ZNF678: variants seen among roughly 807,000 people sequenced by gnomAD.
ZNF678 encodes hypothetical protein MGC42493.
Under a neutral mutation model 3.0 loss-of-function variants are expected in ZNF678, and 5 were observed. The observed-to-expected ratio is 1.69, with a 90% confidence interval of 0.88 to 3.56. The LOEUF is 3.56. ZNF678 is among the 30% of genes most tolerant of loss of function. The pLI is 0.00. For synonymous variants in ZNF678, 218 were observed against 199.6 expected (o/e 1.09, Z -0.78); for missense variants, 593 against 605.0 (o/e 0.98, Z 0.21).
chr1:227,645,075 C>A (rs1658921503), intron 1 of ZNF678, among the ~76,000 whole-genome samples: 1 of 152,260 alleles, frequency 6.6e-6, no homozygotes, highest in Admixed American at 6.5e-5. Context: ...CACTTGATAG[C>A]AGGAAAATGA....
intron 5 of ZNF678, among the ~76,000 whole-genome samples, chr1:227,669,376 C>T (rs1400508177): frequency 1.3e-5 from 2 of 152,082 alleles, no homozygotes; most frequent in Admixed American, 6.5e-5. Context: ...TCTCCCCACG[C>T]CTGTAATCCC....
At chr1:227,603,670 T>G (rs1221622181) in intron 1 of ZNF678, among the ~76,000 whole-genome samples, 2 of 152,216 alleles carry the variant, frequency 1.3e-5, no homozygotes, top group Non-Finnish European at 2.9e-5. Context: ...TGTGGGAAGA[T>G]GTGGACTGGT....
intron 1 of ZNF678, 39 bp downstream of exon 1, chr1:227,563,763 G>C (rs1179015283): frequency 2.3e-6 from 3 of 1,306,108 alleles, no homozygotes; most frequent in Non-Finnish European, 3.0e-6. Flanking sequence ...ATGGCGGTCC[G>C]GCCTCCCGGC....
intron 1 of ZNF678, among the ~76,000 whole-genome samples, chr1:227,569,238 C>T (rs1283454439): frequency 2.0e-5 from 3 of 152,156 alleles, no homozygotes. Flanking sequence ...TTGCTTTCTA[C>T]CTCAGCCTGC....
chr1:227,594,179 C>G (rs531616959), intron 1 of ZNF678, among the ~76,000 whole-genome samples: 1 of 152,138 alleles, frequency 6.6e-6, no homozygotes, highest in South Asian at 2.1e-4. Context: ...TCCTTTAGCA[C>G]CTATTTTTAT....
At chr1:227,625,240 C>A (rs12079123) in intron 1 of ZNF678, among the ~76,000 whole-genome samples, 1 of 151,912 alleles carries the variant, frequency 6.6e-6, no homozygotes, top group Non-Finnish European at 1.5e-5. Flanking sequence ...AGGAATTCTT[C>A]GTCGGCCTAG....
chr1:227,583,779 A>G (rs1164963142), intron 1 of ZNF678, among the ~76,000 whole-genome samples: 3 of 152,178 alleles, frequency 2.0e-5, no homozygotes, highest in Admixed American at 2.0e-4. Context: ...TTTGCCAAGT[A>G]GAGAAACCAA....
In ZNF678 at chr1:227,617,416, G is replaced by A. The variant is rs73092666; in HGVS notation, c.-163-29128G>A. On this transcript the variant is annotated intron_variant, in intron 1 of 3. Transcript: ENST00000343776. ...CTCTCTCCAAGGCAGTACCTATACC[G>A]TCATGGGGAGTACCTTATGAACAGT... 4.7e-3 allele frequency among the ~76,000 whole-genome samples: 722 copies of A among 152,324 alleles called. 4 individuals are homozygous for A. Among genetic ancestry groups the A allele is most frequent in the African/African-American group, 0.014 (572 of 41,578 alleles).
downstream of ZNF678, among the ~76,000 whole-genome samples, chr1:227,664,427 G>A (rs1438791205): frequency 2.0e-5 from 3 of 151,970 alleles, no homozygotes; most frequent in African/African-American, 4.8e-5. Flanking sequence ...CCCAACACAC[G>A]GTGTCAGAAA....
intron 1 of ZNF678, among the ~76,000 whole-genome samples, chr1:227,582,004 C>T (rs1657140243): frequency 6.6e-6 from 1 of 152,030 alleles, no homozygotes; most frequent in Non-Finnish European, 1.5e-5. Flanking sequence ...TCCTTGATAA[C>T]TAATAAAGTT....
At position 227,657,365 on chromosome 1, in the gene ZNF678, T is replaced by C. The variant is rs1297421366; in HGVS notation, c.*1537T>C. 1 of 151,960 alleles carries C rather than the reference T, an allele frequency of 6.6e-6. No individual in the cohort carries two copies. The highest frequency in any genetic ancestry group is 2.4e-5 in the African/African-American group (1 of 41,404). 9.4% of individuals were successfully genotyped at this position (151,960 alleles called of 1,614,324 possible). ...ACAGAACTGAGGCTAATAAACCTCT[T>C]TTCTGTATTAATTTGCCAGTGTTAA... is the stretch of plus-strand genomic sequence containing the variant. On this transcript the variant is annotated 3_prime_UTR_variant, in exon 4 of 4. Transcript: ENST00000343776.
chr1:227,595,779 C>G (rs1657568437), intron 1 of ZNF678, among the ~76,000 whole-genome samples: 1 of 152,176 alleles, frequency 6.6e-6, no homozygotes, highest in African/African-American at 2.4e-5. Context: ...CAATCCAAGT[C>G]AAGTCAAAAA....
intron 1 of ZNF678, among the ~76,000 whole-genome samples, chr1:227,617,204 T>G (rs1423756134): frequency 2.6e-5 from 4 of 152,200 alleles, no homozygotes; most frequent in African/African-American, 9.7e-5. Flanking sequence ...TATCATGCAA[T>G]GTGACCTGAC....
intron 1 of ZNF678, among the ~76,000 whole-genome samples, chr1:227,618,001 C>T (rs1426124726): frequency 6.6e-6 from 1 of 152,132 alleles, no homozygotes; most frequent in African/African-American, 2.4e-5. Context: ...AATAAATGTC[C>T]GCCCACCAAG....
intron 1 of ZNF678, among the ~76,000 whole-genome samples, chr1:227,574,675 T>C (rs1435253001): frequency 6.6e-6 from 1 of 152,188 alleles, no homozygotes; most frequent in African/African-American, 2.4e-5. Flanking sequence ...TCAAATCCCA[T>C]TTGCCAATTT....
chr1:227,573,323 C>T (rs1292655925), intron 1 of ZNF678, among the ~76,000 whole-genome samples: 1 of 152,172 alleles, frequency 6.6e-6, no homozygotes, highest in Non-Finnish European at 1.5e-5. Context: ...ATAGTGCTCT[C>T]CTCAAATAAT....
At chr1:227,577,350 C>T (rs920279354) in intron 1 of ZNF678, among the ~76,000 whole-genome samples, 3 of 152,174 alleles carry the variant, frequency 2.0e-5, no homozygotes, top group African/African-American at 7.2e-5. Context: ...AAGCCCCCTA[C>T]TATTACTGTG....
intron 1 of ZNF678, among the ~76,000 whole-genome samples, chr1:227,585,394 G>A (rs1161986946): frequency 1.3e-5 from 2 of 152,112 alleles, no homozygotes; most frequent in African/African-American, 4.8e-5. Context: ...GCTAATAAGT[G>A]AATATATAAA....
intron 3 of ZNF678, among the ~76,000 whole-genome samples, chr1:227,652,865 T>C (rs1659124153): frequency 6.6e-6 from 1 of 152,138 alleles, no homozygotes; most frequent in East Asian, 1.9e-4. Flanking sequence ...CAGTTATGTA[T>C]TTGTATATAA....
Sources: gnomAD v4.1 joint callset for allele counts (sites outside exome capture counted in the v4.1 genomes callset) on GRCh38, gnomAD v4.1.1 for gene constraint, MANE v1.5 for transcripts, NCBI Gene and HGNC (gene_info 2026-07-23, HGNC 2026-07-21) for gene names.